The following APBB1IP variants were observed in gnomAD, a reference collection of about 807,000 sequenced individuals.
The protein encoded by APBB1IP is amyloid beta precursor protein binding family B member 1 interacting protein.
Under a neutral mutation model 64.9 loss-of-function variants are expected in APBB1IP, and 27 were observed. That is an observed-to-expected ratio of 0.42 (90% CI 0.31 to 0.57). APBB1IP has a LOEUF of 0.57. APBB1IP is among the 20% of genes least tolerant of loss of function. APBB1IP has a pLI of 0.20. For synonymous variants in APBB1IP, 392 were observed against 331.0 expected, an observed-to-expected ratio of 1.18 and a Z score of -2.00; for missense variants, 812 against 845.5, an observed-to-expected ratio of 0.96 and a Z score of 0.49.
intron 8 of APBB1IP, among the ~76,000 whole-genome samples, chr10:26,530,124 T>TA (rs1486849487): frequency 1.3e-5 from 2 of 152,210 alleles, no homozygotes; most frequent in Non-Finnish European, 2.9e-5. Flanking sequence ...ACATAGGACT[T>TA]ATCATCTTAA....
intron 2 of APBB1IP, among the ~76,000 whole-genome samples, chr10:26,441,878 T>A (rs568365685): frequency 6.6e-6 from 1 of 152,332 alleles, no homozygotes; most frequent in Non-Finnish European, 1.5e-5. Flanking sequence ...ATAATTATTA[T>A]AATGTTTACT....
rs1177712447 is a variant in APBB1IP at position 26,567,559 on chromosome 10, G to C, written c.*71G>C. On this transcript the variant is annotated 3_prime_UTR_variant, in exon 15 of 15. Transcript: ENST00000376236. Reference sequence around the variant, plus strand: ...CGAGCGCAGGTTTTGCTAGCAGATTGCCCTGACATCTTGTTCATTTCAGAT... The same window carrying C: ...CGAGCGCAGGTTTTGCTAGCAGATTCCCCTGACATCTTGTTCATTTCAGAT... The C allele has an allele frequency of 6.7e-7, 1 of 1,491,048 alleles. No homozygotes were observed. Among genetic ancestry groups the C allele is most frequent in the African/African-American group, 1.4e-5 (1 of 70,804 alleles). 92.4% of individuals were successfully genotyped at this position (1,491,048 alleles called of 1,614,324 possible).
chr10:26,499,232 C>A (rs1836066494), intron 4 of APBB1IP, among the ~76,000 whole-genome samples: 1 of 151,968 alleles, frequency 6.6e-6, no homozygotes, highest in Non-Finnish European at 1.5e-5. Flanking sequence ...TACCACTGCA[C>A]TCCAGCCTGG....
At chr10:26,524,058 C>A (rs369958527) in intron 8 of APBB1IP, among the ~76,000 whole-genome samples, 2 of 152,098 alleles carry the variant, frequency 1.3e-5, no homozygotes, top group Non-Finnish European at 2.9e-5. Flanking sequence ...TACTTTAAAC[C>A]GAAGGAGATT....
intron 14 of APBB1IP, among the ~76,000 whole-genome samples, chr10:26,566,156 T>A (rs1364126138): frequency 6.6e-6 from 1 of 152,084 alleles, no homozygotes. Flanking sequence ...CCAGGTGGGG[T>A]GGCCGTAATT....
intron 12 of APBB1IP, among the ~76,000 whole-genome samples, chr10:26,560,432 A>T (rs1463431571): frequency 1.3e-5 from 2 of 152,180 alleles, no homozygotes; most frequent in Non-Finnish European, 2.9e-5. Flanking sequence ...CTTAGTGTGC[A>T]ATTAAAAAAC....
At chr10:26,505,454 C>T (rs1282055250) in intron 6 of APBB1IP, among the ~76,000 whole-genome samples, 1 of 152,206 alleles carries the variant, frequency 6.6e-6, no homozygotes, top group Non-Finnish European at 1.5e-5. Flanking sequence ...CAACTTTCCT[C>T]CTGCTCAGTC....
chr10:26,513,704 A>ATTT (rs35115529), intron 8 of APBB1IP, 44 bp downstream of exon 8: 247 of 1,377,042 alleles, frequency 1.8e-4, no homozygotes, highest in South Asian at 1.4e-3. Context: ...AGTACAAAGG[A>ATTT]TTTTTTTTTT....
chr10:26,542,914 A>G (rs1836714123), intron 11 of APBB1IP, among the ~76,000 whole-genome samples: 1 of 150,408 alleles, frequency 6.6e-6, no homozygotes, highest in Non-Finnish European at 1.5e-5. Context: ...GGCGAACCCT[A>G]AAAACATTTT....
chr10:26,548,343 C>T (rs558965632), intron 11 of APBB1IP, among the ~76,000 whole-genome samples: 2 of 141,650 alleles, frequency 1.4e-5, no homozygotes, highest in African/African-American at 2.6e-5. Flanking sequence ...CCCCCTCCCC[C>T]GACCCCACAA....
At chr10:26,485,670 A>G (rs1320658254) in intron 2 of APBB1IP, among the ~76,000 whole-genome samples, 1 of 152,174 alleles carries the variant, frequency 6.6e-6, no homozygotes, top group Non-Finnish European at 1.5e-5. Context: ...TCCTTATTTT[A>G]TAGACAAGGA....
At chr10:26,447,455 T>G (rs1342216673) in intron 2 of APBB1IP, among the ~76,000 whole-genome samples, 1 of 151,152 alleles carries the variant, frequency 6.6e-6, no homozygotes, top group Non-Finnish European at 1.5e-5. Flanking sequence ...GCACCAGATG[T>G]GTAAAACACT....
At chr10:26,517,147 A>G (rs1410913760) in intron 8 of APBB1IP, among the ~76,000 whole-genome samples, 1 of 152,162 alleles carries the variant, frequency 6.6e-6, no homozygotes, top group South Asian at 2.1e-4. Flanking sequence ...CCAATCTAGC[A>G]TTTTTGGGGA....
At chr10:26,461,478 G>A (rs2132406856) in intron 2 of APBB1IP, among the ~76,000 whole-genome samples, 1 of 152,032 alleles carries the variant, frequency 6.6e-6, no homozygotes, top group Non-Finnish European at 1.5e-5. Context: ...AAATCCTGAA[G>A]TGCCAAATAT....
intron 4 of APBB1IP, among the ~76,000 whole-genome samples, chr10:26,499,765 CT>C: frequency 6.6e-6 from 1 of 152,302 alleles, no homozygotes; most frequent in Non-Finnish European, 1.5e-5. Context: ...AAGGAGATCT[CT>C]CCTCCCTCCC....
At chr10:26,440,167 T>TGTGCTTG (rs1412168674) in intron 2 of APBB1IP, among the ~76,000 whole-genome samples, 39 of 152,236 alleles carry the variant, frequency 2.6e-4, no homozygotes, top group Non-Finnish European at 2.2e-4. Flanking sequence ...TTGGGAGACC[T>TGTGCTTG]GGGTTCTGGC....
chr10:26,458,159 C>T (rs1007579178), intron 2 of APBB1IP, among the ~76,000 whole-genome samples: 5 of 152,090 alleles, frequency 3.3e-5, no homozygotes, highest in Admixed American at 6.5e-5. Context: ...AGGCCAAGGT[C>T]GGTGGATCAC....
intron 8 of APBB1IP, among the ~76,000 whole-genome samples, chr10:26,515,058 A>AT (rs1254379250): frequency 4.5e-5 from 4 of 88,302 alleles, no homozygotes; most frequent in African/African-American, 8.8e-5. Flanking sequence ...TTTTTTTTGT[A>AT]TTTTAGTAGA....
intron 2 of APBB1IP, among the ~76,000 whole-genome samples, chr10:26,474,281 A>G (rs1176110449): frequency 6.6e-6 from 1 of 152,238 alleles, no homozygotes; most frequent in African/African-American, 2.4e-5. Context: ...GCTGATGCCC[A>G]AACCTCAGTG....
Sources: gnomAD v4.1 joint callset for allele counts (sites outside exome capture counted in the v4.1 genomes callset) on GRCh38, gnomAD v4.1.1 for gene constraint, MANE v1.5 for transcripts, NCBI Gene and HGNC (gene_info 2026-07-23, HGNC 2026-07-21) for gene names.